Variants in RPS6KA2 observed in about 807,000 individuals in gnomAD.
RPS6KA2 encodes the protein ribosomal protein S6 kinase A2, also known as ribosomal protein S6 kinase alpha-2.
A neutral mutation model predicts 91.8 loss-of-function variants in RPS6KA2; 42 were observed. That is an observed-to-expected ratio of 0.46 (90% confidence interval 0.36 to 0.59). The LOEUF is 0.59. Ranked by LOEUF, RPS6KA2 falls within the 20% of genes least tolerant of loss-of-function variation. The pLI, the probability that RPS6KA2 is intolerant of heterozygous loss-of-function variation, is 0.00. For missense variants in RPS6KA2, 798 were observed against 978.5 expected (o/e 0.82, Z 2.46); for synonymous variants, 414 against 393.6 (o/e 1.05, Z -0.61).
At chr6:166,660,019 C>T (rs921361711) in intron 2 of RPS6KA2, among the ~76,000 whole-genome samples, 1 of 152,014 alleles carries the variant, frequency 6.6e-6, no homozygotes, top group African/African-American at 2.4e-5. Context: ...AGCCTCCCAG[C>T]GTGTTGTGCT....
chr6:166,448,624 GGCCCTGCTAT>G lies in RPS6KA2; in HGVS notation c.1332+90_1332+99del. 2 of 1,406,094 alleles carry G rather than the reference GGCCCTGCTAT, an allele frequency of 1.4e-6. No homozygotes were observed. The highest frequency in any genetic ancestry group is 1.9e-6 in the Non-Finnish European group (2 of 1,043,234). 87.1% of individuals were successfully genotyped at this position (1,406,094 alleles called of 1,614,324 possible). ...GCTCCCACACGCTGCACTCACACAG[GGCCCTGCTAT>G]GCTCCTATGCTCCGTGCTCCCACAT... On this transcript the variant is annotated intron_variant, in intron 14 of 20. Transcript: ENST00000265678. The surrounding 1 kb of genome is among the most constrained non-coding windows in gnomAD (Gnocchi z 4.7).
At chr6:166,543,676 C>T (rs1331495662) in intron 1 of RPS6KA2, among the ~76,000 whole-genome samples, 1 of 152,186 alleles carries the variant, frequency 6.6e-6, no homozygotes, top group East Asian at 1.9e-4. Context: ...TGTAGTTACC[C>T]CCTTGGAACC....
chr6:166,795,608 G>A (rs530851002), intron 2 of RPS6KA2, among the ~76,000 whole-genome samples: 125 of 152,316 alleles, frequency 8.2e-4, no homozygotes, highest in African/African-American at 2.9e-3. Flanking sequence ...CATCGTGGTT[G>A]GAGGTTGTCA....
intron 2 of RPS6KA2, among the ~76,000 whole-genome samples, chr6:166,652,750 C>T (rs909392305): frequency 2.5e-4 from 38 of 152,018 alleles, no homozygotes; most frequent in Admixed American, 2.0e-3. Context: ...GGAAGAGATG[C>T]GGGTAGTGGT....
At chr6:166,629,452 T>C (rs553274256), upstream of RPS6KA2, among the ~76,000 whole-genome samples, 31 of 152,376 alleles carry the variant, frequency 2.0e-4, no homozygotes, top group South Asian at 6.4e-3. Context: ...ATCATTCAGA[T>C]TTCACTGGAA....
At chr6:166,431,474 C>G (rs1369887548) in intron 15 of RPS6KA2, among the ~76,000 whole-genome samples, 1 of 152,140 alleles carries the variant, frequency 6.6e-6, no homozygotes, top group African/African-American at 2.4e-5. Context: ...GCTGGGAGCA[C>G]AGAGAGGCTA....
At chr6:166,621,165 C>T (rs115694049) in intron 1 of RPS6KA2, among the ~76,000 whole-genome samples, 2,009 of 150,676 alleles carry the variant, frequency 0.013, 44 homozygotes, top group African/African-American at 0.047. Flanking sequence ...TCTCCAGGAA[C>T]GCATGCAAAT....
intron 1 of RPS6KA2, among the ~76,000 whole-genome samples, chr6:166,587,666 T>TTATATATATA (rs1554232139): frequency 6.7e-6 from 1 of 148,948 alleles, no homozygotes; most frequent in African/African-American, 2.5e-5. Flanking sequence ...AAAATAAATA[T>TTATATATATA]TATATATATA....
In RPS6KA2 at chr6:166,577,068, C is replaced by G. The variant is rs531842807; in HGVS notation, c.100-38284G>C. On this transcript the variant is annotated intron_variant, in intron 1 of 20. Transcript: ENST00000265678. The stretch of plus-strand genomic sequence containing the variant: ...GGAAGCCCTAAGCCTTGGCAGCTTC[C>G]ATGTGGTGTTGAGCCTGTGAGTGCA... Among the ~76,000 whole-genome samples the G allele has an allele frequency of 2.0e-5, 3 of 152,342 alleles. No homozygotes were observed. In the South Asian group the frequency reaches 6.2e-4, roughly 32 times the overall value.
In RPS6KA2 at chr6:166,448,021, C is replaced by T. The variant is rs1419955781; in HGVS notation, c.1332+703G>A. On this transcript the variant is annotated intron_variant, in intron 14 of 20. Transcript: ENST00000265678. The surrounding 1 kb of genome is among the most constrained non-coding windows in gnomAD (Gnocchi z 4.7). ...TACCTTTAATCCACATTTTACTAAC[C>T]AAAAATCTCTAGAAACTGGTATTCT... Among the ~76,000 whole-genome samples the T allele has an allele frequency of 6.6e-6, 1 of 152,090 alleles. No individual in the cohort carries two copies. The highest frequency in any genetic ancestry group is 1.5e-5 in the Non-Finnish European group (1 of 68,024).
intron 2 of RPS6KA2, among the ~76,000 whole-genome samples, chr6:166,675,416 G>T (rs1311263818): frequency 1.3e-5 from 2 of 152,196 alleles, no homozygotes; most frequent in African/African-American, 4.8e-5. Context: ...CTGTTAATCA[G>T]CTGCCTTTAA....
chr6:166,753,662 C>A, intron 2 of RPS6KA2, among the ~76,000 whole-genome samples: 1 of 152,174 alleles, frequency 6.6e-6, no homozygotes. Flanking sequence ...CACCTCCCTA[C>A]AAACACATCT....
intron 2 of RPS6KA2, among the ~76,000 whole-genome samples, chr6:166,642,765 T>A (rs977044196): frequency 3.3e-5 from 5 of 150,554 alleles, no homozygotes; most frequent in Admixed American, 6.6e-5. Flanking sequence ...GTAAAAAAAA[T>A]ACCAACTGTT....
At chr6:166,769,917 A>G (rs1281161495) in intron 2 of RPS6KA2, among the ~76,000 whole-genome samples, 1 of 152,258 alleles carries the variant, frequency 6.6e-6, no homozygotes, top group East Asian at 1.9e-4. Context: ...TGCTGTTCTC[A>G]TAAGACCTTT....
chr6:166,713,521 A>G (rs946030553), intron 2 of RPS6KA2, among the ~76,000 whole-genome samples: 1 of 152,234 alleles, frequency 6.6e-6, no homozygotes, highest in Admixed American at 6.5e-5. Flanking sequence ...ACCAGTGCGT[A>G]GATATCTGGG....
intron 2 of RPS6KA2, among the ~76,000 whole-genome samples, chr6:166,804,487 A>C (rs946294156): frequency 6.6e-6 from 1 of 152,010 alleles, no homozygotes; most frequent in Non-Finnish European, 1.5e-5. Flanking sequence ...TAGACTAACA[A>C]GACATATGAT....
chr6:166,470,022 C>T, intron 10 of RPS6KA2, 117 bp from the exon 11 acceptor site: 1 of 900,116 alleles, frequency 1.1e-6, no homozygotes, highest in Non-Finnish European at 1.8e-6. Context: ...GGGAAGGAGC[C>T]CAGAGGCTGC....
upstream of RPS6KA2, among the ~76,000 whole-genome samples, chr6:166,629,564 T>C (rs1224257317): frequency 6.6e-6 from 1 of 152,248 alleles, no homozygotes; most frequent in Non-Finnish European, 1.5e-5. Context: ...TTCATGTGAT[T>C]ATGTAATGAA....
intron 2 of RPS6KA2, among the ~76,000 whole-genome samples, chr6:166,826,787 G>A (rs1290474901): frequency 6.6e-6 from 1 of 152,222 alleles, no homozygotes; most frequent in Non-Finnish European, 1.5e-5. Context: ...TATAGGGCTT[G>A]GTCTACTGGA....
Sources: gnomAD v4.1 joint callset for allele counts (sites outside exome capture counted in the v4.1 genomes callset) on GRCh38, gnomAD v4.1.1 for gene constraint, Gnocchi (gnomAD v3.1) non-coding constraint, MANE v1.5 for transcripts, NCBI Gene and HGNC (gene_info 2026-07-23, HGNC 2026-07-21) for gene names.